Variants in PAGE1 observed in about 807,000 individuals in gnomAD.
The protein encoded by PAGE1 is PAGE family member 1, also known as P antigen family member 1.
PAGE1 carries 6 observed loss-of-function variants against 11.5 expected under a neutral mutation model. The ratio of observed to expected loss-of-function variants is 0.52; its 90% CI spans 0.29 to 1.03. The LOEUF (loss-of-function observed/expected upper bound fraction) is 1.03. PAGE1 is among the 50% of genes least tolerant of loss of function. The probability of loss-of-function intolerance (pLI) is 0.09; values close to 1 mark genes in which losing one functional copy is unlikely to be tolerated. For missense variants in PAGE1, 120 were observed against 110.2 expected (o/e 1.09, Z -0.40); for synonymous variants, 42 against 40.2 (o/e 1.05, Z -0.17).
chrX:49,689,322 C>A, intron 5 of PAGE1, 96 bp downstream of exon 5: 2 of 828,467 alleles, frequency 2.4e-6, no homozygotes, highest in South Asian at 3.6e-5. Flanking sequence ...GCCTGGTTGA[C>A]AGAGCGAGAC....
At chrX:49,688,669 T>G in intron 5 of PAGE1, among the ~76,000 whole-genome samples, 1 of 111,838 alleles carries the variant, frequency 8.9e-6, no homozygotes, top group Admixed American at 9.5e-5. Context: ...TTAAAATATC[T>G]GACTTAAACT....
At position 49,694,571 on chromosome X, in the gene PAGE1, C is replaced by T. The variant is rs2066933833; in HGVS notation, c.63+137G>A. 1.7e-5 allele frequency: 7 copies of T among 407,814 alleles called. No homozygotes were observed. In the South Asian group the frequency reaches 4.8e-4, roughly 28 times the overall value. 33.6% of individuals were successfully genotyped at this position (407,814 alleles called of 1,213,427 possible). A position where few individuals can be genotyped will look rare whatever the true frequency, so the allele number is the denominator to read the frequency against. On this transcript the variant is annotated intron_variant, in intron 2 of 5. Coordinates refer to ENST00000376150, the MANE Select transcript of PAGE1 (RefSeq NM_003785.4). ...TATTTCCTTCATGAGATACCAGAATCTTATTTTTTTAATCAGCATGAACTA... is the reference window on the plus strand; with the variant it reads ...TATTTCCTTCATGAGATACCAGAATTTTATTTTTTTAATCAGCATGAACTA...
At chrX:49,690,134 C>CAT (rs781908318) in intron 4 of PAGE1, among the ~76,000 whole-genome samples, 1 of 77,773 alleles carries the variant, frequency 1.3e-5, no homozygotes, top group Non-Finnish European at 2.4e-5. Flanking sequence ...TATATATACA[C>CAT]ATATATATGT....
intron 4 of PAGE1, among the ~76,000 whole-genome samples, chrX:49,689,842 ATATACACACATATATAGGTGTG>A (rs1557141832): frequency 5.0e-5 from 3 of 60,327 alleles, no homozygotes; most frequent in African/African-American, 1.7e-4. Flanking sequence ...ATATGTGTGT[ATATACACACATATATAGGTGTG>A]TATATATGTG....
At chrX:49,693,691 C>T (rs1297163388) in intron 3 of PAGE1, among the ~76,000 whole-genome samples, 1 of 110,998 alleles carries the variant, frequency 9.0e-6, no homozygotes, top group Non-Finnish European at 1.9e-5. Flanking sequence ...ATTCCTGGGC[C>T]AGTACTAAGC....
At chrX:49,694,631 C>T (rs1415131428) in intron 2 of PAGE1, 77 bp downstream of exon 2, 2 of 647,994 alleles carry the variant, frequency 3.1e-6, no homozygotes, top group Non-Finnish European at 4.8e-6. Flanking sequence ...TGCAACAACA[C>T]TATCACAAAA....
At chrX:49,693,204 C>T (rs1224490215) in intron 3 of PAGE1, among the ~76,000 whole-genome samples, 1 of 111,413 alleles carries the variant, frequency 9.0e-6, no homozygotes, top group Non-Finnish European at 1.9e-5. Flanking sequence ...GTCCAAAGGT[C>T]CTAAATGTAA....
At chrX:49,689,787 CATATATATGTAT>C (rs1263479887) in intron 4 of PAGE1, among the ~76,000 whole-genome samples, 1 of 57,467 alleles carries the variant, frequency 1.7e-5, no homozygotes, top group Admixed American at 2.3e-4. Flanking sequence ...TATATACACA[CATATATATGTAT>C]ATATATGTGT....
rs2066934536 is a variant in PAGE1, at chrX:49,694,726, G to C, written c.45C>G (p.Ile15Met). Residue 15 changes from isoleucine (I) to methionine (M), a missense_variant, in exon 2 of 6, where the codon ATC becomes ATG. Physicochemically the swap from Ile to Met is conservative, Grantham distance 10 (BLOSUM62 1). Transcript: ENST00000376150. The part of the protein sequence containing the change: ...RRLIYRRRPM[I>M]YVESSEESSD... ...CAATTACCTCAGAAGATTCTACATA[G>C]ATCATTGGTCTACGCCGATAGATTA... 8.4e-7 allele frequency: 1 copy of C among 1,197,071 alleles called. No homozygotes were observed. The highest frequency in any genetic ancestry group is 1.1e-6 in the Non-Finnish European group (1 of 883,865).
intron 5 of PAGE1, among the ~76,000 whole-genome samples, chrX:49,688,315 T>C (rs1478303672): frequency 9.0e-6 from 1 of 111,336 alleles, no homozygotes; most frequent in African/African-American, 3.3e-5. Flanking sequence ...GTTGGGAGGA[T>C]CACTTGAGCC....
intron 4 of PAGE1, 54 bp downstream of exon 4, chrX:49,691,195 A>G: frequency 1.7e-6 from 2 of 1,167,870 alleles, no homozygotes; most frequent in Non-Finnish European, 2.3e-6. Flanking sequence ...AAAGAAAATT[A>G]TAATACTGTG....
chrX:49,692,102 T>A (rs2066922559), intron 3 of PAGE1, among the ~76,000 whole-genome samples: 1 of 110,377 alleles, frequency 9.1e-6, no homozygotes, highest in African/African-American at 3.3e-5. Context: ...AGCCGAGATC[T>A]TGCCACTGCA....
chrX:49,693,702 T>C (rs1460008930), intron 3 of PAGE1, among the ~76,000 whole-genome samples: 1 of 111,280 alleles, frequency 9.0e-6, no homozygotes, highest in African/African-American at 3.3e-5. Context: ...AGTACTAAGC[T>C]ACATTACAGT....
Position 49,689,461 on chromosome X carries a change from C to T in PAGE1, c.375G>A (p.Glu125=), listed in dbSNP as rs2066895671. Residue 125 remains glutamate (E), a synonymous_variant, in exon 5 of 6, where the codon GAG becomes GAA. Transcript: ENST00000376150. ...CCTCCTCTGGATTTGGCAGGCCCAACTCCTGGACATCAGGACCATCTCCGC... is the reference window on the plus strand; with the variant it reads ...CCTCCTCTGGATTTGGCAGGCCCAATTCCTGGACATCAGGACCATCTCCGC... ...CERGDGPDVQ[E]LGLPNPEEVK... is the part of the protein sequence containing the mutation. 9.2e-7 allele frequency: 1 copy of T among 1,082,032 alleles called. No individual in the cohort carries two copies. Among genetic ancestry groups the T allele is most frequent in the Non-Finnish European group, 1.2e-6 (1 of 823,367 alleles). The allele number at this position is 1,082,032 out of a possible 1,213,427, so 89.2% of individuals were successfully genotyped here.
chrX:49,689,957 ATATATATGTG>A (rs2066909721), intron 4 of PAGE1, among the ~76,000 whole-genome samples: 1 of 62,090 alleles, frequency 1.6e-5, no homozygotes, highest in East Asian at 7.4e-4. Flanking sequence ...ATATACACAC[ATATATATGTG>A]TATATATATG....
At chrX:49,689,915 C>T (rs868908996) in intron 4 of PAGE1, among the ~76,000 whole-genome samples, 1 of 462 alleles carries the variant, frequency 2.2e-3, no homozygotes, top group African/African-American at 0.016. Flanking sequence ...TGTGTATATA[C>T]ACACATATAT....
chrX:49,689,896 GTA>G (rs1264887066), intron 4 of PAGE1, among the ~76,000 whole-genome samples: 6 of 31,978 alleles, frequency 1.9e-4, no homozygotes, highest in Non-Finnish European at 4.6e-5. Flanking sequence ...ATATATAGGT[GTA>G]TATATATGTG....
At position 49,694,754 on chromosome X, in the gene PAGE1, C is replaced by T. The variant is rs1557142654; in HGVS notation, c.17G>A (p.Arg6Lys). The part of the protein sequence containing the change: MGFLR[R>K]LIYRRRPMIY... The stretch of plus-strand genomic sequence containing the variant: ...CATTGGTCTACGCCGATAGATTAAT[C>T]TTCTTAGAAAACCCATATTTCACAC... The change falls in exon 2 of 6, where the codon AGA (arginine) becomes AAA (lysine). Residue 6 changes from arginine to lysine, a missense_variant. Arg to Lys is a conservative substitution (Grantham distance 26, BLOSUM62 2). Coordinates refer to ENST00000376150, the MANE Select transcript of PAGE1 (RefSeq NM_003785.4). 1.7e-6 allele frequency: 2 copies of T among 1,191,054 alleles called. No homozygotes were observed. Among genetic ancestry groups the T allele is most frequent in the South Asian group, 3.6e-5 (2 of 54,826 alleles).
intron 5 of PAGE1, 128 bp downstream of exon 5, chrX:49,689,290 G>C (rs781972336): frequency 5.8e-6 from 4 of 685,946 alleles, no homozygotes; most frequent in Non-Finnish European, 7.3e-6. Flanking sequence ...CCAGTGAGCC[G>C]AGATGGCACC....
Sources: allele counts gnomAD v4.1 joint callset (sites outside exome capture counted in the v4.1 genomes callset), GRCh38; gene constraint gnomAD v4.1.1; transcripts MANE v1.5; gene names NCBI Gene and HGNC (gene_info 2026-07-23, HGNC 2026-07-21).